Variants in CNTN5 observed in about 807,000 individuals in gnomAD.
CNTN5 encodes contactin-5.
Under a neutral mutation model 129.1 loss-of-function variants are expected in CNTN5, and 77 were observed. The observed-to-expected ratio is 0.60, with a 90% confidence interval of 0.50 to 0.72. CNTN5 has a LOEUF of 0.72. Ranked by LOEUF, CNTN5 falls within the 30% of genes least tolerant of loss-of-function variation. The pLI is 0.00. For synonymous variants in CNTN5, 509 were observed against 465.6 expected (o/e 1.09, Z -1.20); for missense variants, 1,478 against 1,328.8 (o/e 1.11, Z -1.75).
chr11:99,071,959 AGAAG>A (rs894746891), intron 1 of CNTN5, among the ~76,000 whole-genome samples: 1 of 150,958 alleles, frequency 6.6e-6, no homozygotes, highest in Admixed American at 6.6e-5. Flanking sequence ...ATAAAAAAAA[AGAAG>A]GAAGTAATAA....
rs552648653 is a variant in CNTN5, at chr11:99,607,653, T to C, written c.55+51384T>C. ...TGCTATAAAGACACATGCACACGTATGTTTATTGCGGCACTATTCACAATA... is the reference window on the plus strand; with the variant it reads ...TGCTATAAAGACACATGCACACGTACGTTTATTGCGGCACTATTCACAATA... On this transcript the variant is annotated intron_variant, in intron 3 of 24. Coordinates refer to ENST00000524871, the MANE Select transcript of CNTN5 (RefSeq NM_014361.4). Among the ~76,000 whole-genome samples the C allele has an allele frequency of 5.7e-3, 669 of 117,598 alleles. 24 individuals carry two copies. The East Asian group carries it at 0.1, about 18-fold the overall frequency. 77.1% of individuals were successfully genotyped at this position (117,598 alleles called of 152,430 possible). A position where few individuals can be genotyped will look rare whatever the true frequency, so the allele number is the denominator to read the frequency against.
At chr11:99,730,175 C>T (rs1186107095) in intron 3 of CNTN5, among the ~76,000 whole-genome samples, 1 of 152,144 alleles carries the variant, frequency 6.6e-6, no homozygotes, top group African/African-American at 2.4e-5. Context: ...ATTAATTAAA[C>T]AGAATTAAAT....
At chr11:99,150,835 G>T (rs1860016827) in intron 1 of CNTN5, among the ~76,000 whole-genome samples, 1 of 152,028 alleles carries the variant, frequency 6.6e-6, no homozygotes, top group South Asian at 2.1e-4. Flanking sequence ...CCTAAGCCTA[G>T]TCATGTAGAA....
chr11:99,748,461 T>C (rs1466509820), intron 3 of CNTN5, among the ~76,000 whole-genome samples: 1 of 151,890 alleles, frequency 6.6e-6, no homozygotes, highest in African/African-American at 2.4e-5. Flanking sequence ...AGGGGATTTA[T>C]AATAAGAATT....
chr11:99,793,852 G>A (rs1001610042), intron 3 of CNTN5, among the ~76,000 whole-genome samples: 1 of 152,138 alleles, frequency 6.6e-6, no homozygotes, highest in Non-Finnish European at 1.5e-5. Flanking sequence ...CCATTTTGGA[G>A]TGTGTGGCAT....
intron 6 of CNTN5, among the ~76,000 whole-genome samples, chr11:99,882,804 T>C (rs941688382): frequency 1.3e-5 from 2 of 152,172 alleles, no homozygotes; most frequent in African/African-American, 2.4e-5. Flanking sequence ...GTAAGTCTTA[T>C]TCATTCTTTC....
At chr11:100,128,148 G>A (rs115701043) in intron 13 of CNTN5, among the ~76,000 whole-genome samples, 2,280 of 152,042 alleles carry the variant, frequency 0.015, 58 homozygotes, top group African/African-American at 0.052. Context: ...ATTGCCTACT[G>A]AACATCTCCA....
intron 17 of CNTN5, among the ~76,000 whole-genome samples, chr11:100,266,547 A>C (rs945172986): frequency 1.3e-5 from 2 of 151,956 alleles, no homozygotes; most frequent in African/African-American, 4.8e-5. Context: ...ATTATATTTC[A>C]CCAAAAATAA....
chr11:99,922,048 G>A (rs1367674984), intron 7 of CNTN5, among the ~76,000 whole-genome samples: 1 of 152,150 alleles, frequency 6.6e-6, no homozygotes, highest in Non-Finnish European at 1.5e-5. Flanking sequence ...TCGTATTGCT[G>A]TGAAGAAATA....
At chr11:100,077,887 C>T (rs990962127) in intron 13 of CNTN5, among the ~76,000 whole-genome samples, 25 of 151,746 alleles carry the variant, frequency 1.6e-4, no homozygotes, top group Non-Finnish European at 1.8e-4. Flanking sequence ...AAACAAAATA[C>T]GTCAATTGCT....
At chr11:99,827,954 T>C (rs2135592948) in intron 4 of CNTN5, among the ~76,000 whole-genome samples, 1 of 152,298 alleles carries the variant, frequency 6.6e-6, no homozygotes, top group African/African-American at 2.4e-5. Flanking sequence ...ACTTTTTACA[T>C]TTTTTCTGTA....
intron 9 of CNTN5, among the ~76,000 whole-genome samples, chr11:100,012,576 G>T (rs1940593777): frequency 6.6e-6 from 1 of 152,116 alleles, no homozygotes; most frequent in Non-Finnish European, 1.5e-5. Flanking sequence ...GGCTGCCCTA[G>T]AACTAGTTAA....
chr11:99,414,660 A>G (rs1348634142), intron 2 of CNTN5, among the ~76,000 whole-genome samples: 1 of 152,098 alleles, frequency 6.6e-6, no homozygotes, highest in South Asian at 2.1e-4. Context: ...TGTTAAAATG[A>G]CATCTGAGCA....
At chr11:99,062,336 C>A (rs1864918678) in intron 1 of CNTN5, among the ~76,000 whole-genome samples, 1 of 152,070 alleles carries the variant, frequency 6.6e-6, no homozygotes, top group Non-Finnish European at 1.5e-5. Flanking sequence ...GTATACCAGT[C>A]TTTTAGATAT....
intron 4 of CNTN5, among the ~76,000 whole-genome samples, chr11:99,837,292 C>T (rs1241769181): frequency 2.0e-5 from 3 of 152,134 alleles, no homozygotes; most frequent in African/African-American, 4.8e-5. Flanking sequence ...TAGCCAACAT[C>T]AGAAACTCTG....
intron 9 of CNTN5, among the ~76,000 whole-genome samples, chr11:100,020,988 G>A (rs888602270): frequency 5.3e-5 from 8 of 151,986 alleles, no homozygotes; most frequent in South Asian, 2.1e-4. Flanking sequence ...TAAAATGTCC[G>A]TACTGCCCAA....
chr11:99,797,706 G>C (rs900567531), intron 3 of CNTN5, among the ~76,000 whole-genome samples: 4 of 151,968 alleles, frequency 2.6e-5, no homozygotes, highest in Non-Finnish European at 5.9e-5. Flanking sequence ...TTTTTTGTGA[G>C]TATTTTCTCC....
chr11:100,298,640 T>A (rs1951149254), intron 19 of CNTN5, among the ~76,000 whole-genome samples: 1 of 151,384 alleles, frequency 6.6e-6, no homozygotes, highest in East Asian at 1.9e-4. Flanking sequence ...ATGTAACCAA[T>A]TTAAATCTAA....
At chr11:99,705,182 G>T (rs960747668) in intron 3 of CNTN5, among the ~76,000 whole-genome samples, 10 of 151,236 alleles carry the variant, frequency 6.6e-5, no homozygotes, top group Non-Finnish European at 1.5e-4. Flanking sequence ...CTCTTTTCTA[G>T]AAGATTGTGC....
Sources: allele counts gnomAD v4.1 joint callset (sites outside exome capture counted in the v4.1 genomes callset), GRCh38; gene constraint gnomAD v4.1.1; transcripts MANE v1.5; gene names NCBI Gene and HGNC (gene_info 2026-07-23, HGNC 2026-07-21).